KIAA0825: variants seen among roughly 807,000 people sequenced by gnomAD.
KIAA0825 encodes the protein uncharacterized protein KIAA0825.
A neutral mutation model predicts 147.6 loss-of-function variants in KIAA0825; 119 were observed. The ratio of observed to expected loss-of-function variants is 0.81; its 90% CI spans 0.69 to 0.94. The LOEUF is 0.94. Among genes scored for constraint, KIAA0825 ranks in the 40% least tolerant of loss-of-function variants. The pLI, the probability that KIAA0825 is intolerant of heterozygous loss-of-function variation, is 0.00. For synonymous variants in KIAA0825, 470 were observed against 518.1 expected (o/e 0.91, Z 1.26); for missense variants, 1,381 against 1,472.7 (o/e 0.94, Z 1.02).
chr5:94,594,879 G>GA, intron 1 of KIAA0825: 7 of 191,672 alleles, frequency 3.7e-5, no homozygotes, highest in Non-Finnish European at 5.3e-5. Context: ...AAAAATAGTA[G>GA]ATAAAAAAAA....
intron 1 of KIAA0825, among the ~76,000 whole-genome samples, chr5:94,595,835 G>C (rs1584998198): frequency 1.3e-5 from 2 of 152,230 alleles, no homozygotes; most frequent in East Asian, 3.9e-4. Context: ...TCTTCCACTA[G>C]ATGGTCTAAA....
intron 20 of KIAA0825, among the ~76,000 whole-genome samples, chr5:94,213,428 C>A (rs1179385006): frequency 6.6e-6 from 1 of 152,174 alleles, no homozygotes; most frequent in Non-Finnish European, 1.5e-5. Context: ...ATTCCACCCA[C>A]CTAATACTAC....
chr5:94,346,687 A>G (rs997717184), intron 20 of KIAA0825, among the ~76,000 whole-genome samples: 1 of 152,182 alleles, frequency 6.6e-6, no homozygotes, highest in Non-Finnish European at 1.5e-5. Context: ...TGGGTCCCCT[A>G]GCGGGCCATT....
chr5:94,432,123 G>T (rs1755754190), intron 14 of KIAA0825, among the ~76,000 whole-genome samples: 1 of 152,164 alleles, frequency 6.6e-6, no homozygotes, highest in African/African-American at 2.4e-5. Context: ...CCTACAATAT[G>T]TTACGAGGAC....
intron 20 of KIAA0825, among the ~76,000 whole-genome samples, chr5:94,338,253 A>G (rs930915370): frequency 1.3e-5 from 2 of 152,222 alleles, no homozygotes; most frequent in Non-Finnish European, 2.9e-5. Flanking sequence ...TATGCAGTAT[A>G]TATGCTACAG....
intron 1 of KIAA0825, among the ~76,000 whole-genome samples, chr5:94,607,729 G>A (rs1296378114): frequency 6.6e-6 from 1 of 152,206 alleles, no homozygotes; most frequent in East Asian, 1.9e-4. Context: ...TCTTACAGTT[G>A]TCTAGGTCAG....
chr5:94,443,732 T>C (rs538988412), intron 13 of KIAA0825, among the ~76,000 whole-genome samples: 2 of 152,328 alleles, frequency 1.3e-5, no homozygotes, highest in South Asian at 4.1e-4. Flanking sequence ...GTACTCATGC[T>C]GCAATAGAAT....
intron 20 of KIAA0825, among the ~76,000 whole-genome samples, chr5:94,263,290 C>T (rs1211648231): frequency 1.3e-5 from 2 of 152,098 alleles, no homozygotes; most frequent in African/African-American, 4.8e-5. Context: ...TTCTTTCTAC[C>T]AAATGGTCTG....
At chr5:94,463,251 C>T (rs1009113290) in intron 11 of KIAA0825, among the ~76,000 whole-genome samples, 1 of 151,502 alleles carries the variant, frequency 6.6e-6, no homozygotes, top group Non-Finnish European at 1.5e-5. Context: ...GAACAGACCT[C>T]AGTTAGTTTC....
intron 20 of KIAA0825, among the ~76,000 whole-genome samples, chr5:94,234,924 T>C (rs1284519318): frequency 1.3e-5 from 2 of 152,128 alleles, no homozygotes; most frequent in Non-Finnish European, 2.9e-5. Context: ...CCACAGAAGA[T>C]GGTGAACTTA....
intron 2 of KIAA0825, among the ~76,000 whole-genome samples, chr5:94,561,073 G>T (rs912382380): frequency 4.6e-5 from 7 of 152,192 alleles, no homozygotes; most frequent in Non-Finnish European, 1.0e-4. Context: ...TTAACTTTCA[G>T]CTCCACTCCC....
chr5:94,248,282 C>T (rs1323293577), intron 20 of KIAA0825, among the ~76,000 whole-genome samples: 1 of 152,116 alleles, frequency 6.6e-6, no homozygotes, highest in Non-Finnish European at 1.5e-5. Flanking sequence ...TTTGCCAGCT[C>T]ATTACCTGTC....
rs564291886 is a variant in KIAA0825, at chr5:94,504,746, CTTTTT to C, written c.970+15497_970+15501del. Reference sequence around the variant, plus strand: ...ATTACGCCCGTGTGATTTTTCTTTTCTTTTTTTTTTTTTTTTTTTGAGATGGAGTC... The same window carrying C: ...ATTACGCCCGTGTGATTTTTCTTTTCTTTTTTTTTTTTTTGAGATGGAGTC... On this transcript the variant is annotated intron_variant, in intron 5 of 20. Transcript: ENST00000682413. Among the ~76,000 whole-genome samples the C allele has an allele frequency of 5.1e-3, 628 of 122,980 alleles. 2 individuals carry two copies. The highest frequency in any genetic ancestry group is 0.017 in the African/African-American group (598 of 34,778). 80.7% of individuals were successfully genotyped at this position (122,980 alleles called of 152,430 possible). A position where few individuals can be genotyped will look rare whatever the true frequency, so the allele number is the denominator to read the frequency against.
At chr5:94,189,085 G>A (rs1015408897) in intron 20 of KIAA0825, among the ~76,000 whole-genome samples, 25 of 152,260 alleles carry the variant, frequency 1.6e-4, no homozygotes, top group African/African-American at 5.3e-4. Context: ...CTTTTGAAAA[G>A]TGTGTGCTTA....
chr5:94,418,310 C>A (rs1370850207), intron 14 of KIAA0825, among the ~76,000 whole-genome samples: 2 of 152,116 alleles, frequency 1.3e-5, no homozygotes, highest in East Asian at 3.9e-4. Flanking sequence ...TCACTGTTAT[C>A]TTCAAACTAA....
At chr5:94,290,984 G>GT (rs1562352244) in intron 20 of KIAA0825, among the ~76,000 whole-genome samples, 1 of 151,992 alleles carries the variant, frequency 6.6e-6, no homozygotes, top group Admixed American at 6.6e-5. Context: ...ACAGTTGTTT[G>GT]TTTTTTTCTT....
chr5:94,521,695 T>C (rs1768241345), intron 4 of KIAA0825, among the ~76,000 whole-genome samples: 2 of 151,754 alleles, frequency 1.3e-5, no homozygotes, highest in South Asian at 2.1e-4. Flanking sequence ...TAATTATGAA[T>C]AGAAAGGGAC....
At chr5:94,551,699 A>G (rs1414900563) in intron 2 of KIAA0825, among the ~76,000 whole-genome samples, 2 of 152,116 alleles carry the variant, frequency 1.3e-5, no homozygotes, top group African/African-American at 2.4e-5. Context: ...GCCTTATATT[A>G]AATACTTAAG....
intron 14 of KIAA0825, among the ~76,000 whole-genome samples, chr5:94,427,961 CCTT>C (rs992001331): frequency 2.0e-5 from 3 of 152,002 alleles, no homozygotes; most frequent in African/African-American, 7.2e-5. Context: ...TATGTAATGC[CCTT>C]CTTTCTTTTT....
Sources: allele counts gnomAD v4.1 joint callset (sites outside exome capture counted in the v4.1 genomes callset), GRCh38; gene constraint gnomAD v4.1.1; transcripts MANE v1.5; gene names NCBI Gene and HGNC (gene_info 2026-07-23, HGNC 2026-07-21).